The following TRAPPC9 variants were observed in gnomAD, a reference collection of about 807,000 sequenced individuals.
TRAPPC9 encodes the protein IKK2 binding protein.
A neutral mutation model predicts 124.0 loss-of-function variants in TRAPPC9; 83 were observed. The ratio of observed to expected loss-of-function variants is 0.67; its 90% CI spans 0.56 to 0.80. TRAPPC9 has a LOEUF of 0.80. Ranked by LOEUF, TRAPPC9 falls within the 30% of genes least tolerant of loss-of-function variation. TRAPPC9 has a pLI of 0.00. For missense variants in TRAPPC9, 1,302 were observed against 1,508.3 expected, an observed-to-expected ratio of 0.86 and a Z score of 2.27; for synonymous variants, 638 against 617.5, an observed-to-expected ratio of 1.03 and a Z score of -0.49.
intron 21 of TRAPPC9, among the ~76,000 whole-genome samples, chr8:139,869,557 G>T (rs1382680612): frequency 2.0e-5 from 3 of 152,136 alleles, no homozygotes; most frequent in Non-Finnish European, 4.4e-5. Context: ...GGATCTTAAA[G>T]AACTACCCCG....
chr8:140,208,387 T>C (rs1467471305), intron 17 of TRAPPC9, among the ~76,000 whole-genome samples: 1 of 152,172 alleles, frequency 6.6e-6, no homozygotes. Context: ...GTGGTGGTCC[T>C]CAAACTGTGG....
At chr8:139,974,437 T>C (rs1366608497) in intron 19 of TRAPPC9, among the ~76,000 whole-genome samples, 10 of 152,134 alleles carry the variant, frequency 6.6e-5, no homozygotes, top group African/African-American at 2.4e-4. Flanking sequence ...CACCACTGAT[T>C]ACATTAAGTG....
At chr8:140,232,090 AC>A (rs899153818) in intron 16 of TRAPPC9, among the ~76,000 whole-genome samples, 15 of 151,532 alleles carry the variant, frequency 9.9e-5, no homozygotes, top group South Asian at 2.1e-4. Context: ...TTTTAAAAAA[AC>A]ATCTTAAAAT....
intron 15 of TRAPPC9, among the ~76,000 whole-genome samples, chr8:140,253,910 G>T (rs752162217): frequency 6.6e-6 from 1 of 152,124 alleles, no homozygotes; most frequent in African/African-American, 2.4e-5. Context: ...GTAAAATGGG[G>T]ATAACAATTA....
intron 17 of TRAPPC9, among the ~76,000 whole-genome samples, chr8:140,125,822 T>C (rs967740807): frequency 6.6e-6 from 1 of 152,074 alleles, no homozygotes; most frequent in African/African-American, 2.4e-5. Context: ...CAAACCTGCA[T>C]GTTTGAGAGA....
chr8:140,425,283 T>G (rs1207662553), intron 5 of TRAPPC9, among the ~76,000 whole-genome samples: 4 of 152,210 alleles, frequency 2.6e-5, no homozygotes, highest in African/African-American at 9.7e-5. Flanking sequence ...GCTCTCCCAT[T>G]GGTAAAGAGA....
intron 21 of TRAPPC9, among the ~76,000 whole-genome samples, chr8:139,881,878 G>T (rs1829695758): frequency 6.6e-6 from 1 of 152,218 alleles, no homozygotes; most frequent in Admixed American, 6.5e-5. Context: ...CCAGACCGCA[G>T]GGCCTCACCC....
chr8:139,732,134 G>T lies in TRAPPC9; in HGVS notation c.3124C>A (p.Arg1042Ser). 1 of 1,605,218 alleles carries T rather than the reference G, an allele frequency of 6.2e-7. No homozygotes were observed. Among genetic ancestry groups the T allele is most frequent in the Non-Finnish European group, 8.5e-7 (1 of 1,176,986 alleles). The change falls in exon 22 of 23, where the codon CGC (arginine) becomes AGC (serine). Residue 1042 changes from arginine (R) to serine (S), a missense_variant. By Grantham distance (110) the Arg-to-Ser change is moderately radical. Around this residue, in one of 3 missense-constraint regions of TRAPPC9, gnomAD observed 640 missense variants for 679.3 expected, o/e 0.94. Transcript: ENST00000438773. ...CGGTTGGTCAGCCGCACCTCCAGGC[G>T]CACGGGGTCGCCCACCTGGCAGGCC... Reference protein sequence around the residue: ...VAACQVGDPVRLEVRLTNRSP... With the variant: ...VAACQVGDPVSLEVRLTNRSP...
chr8:140,046,045 G>C (rs905530169), intron 17 of TRAPPC9, among the ~76,000 whole-genome samples: 1 of 151,782 alleles, frequency 6.6e-6, no homozygotes, highest in African/African-American at 2.4e-5. Flanking sequence ...ATCTAGATGG[G>C]AGGATGGGAC....
intron 9 of TRAPPC9, among the ~76,000 whole-genome samples, chr8:140,328,722 A>G (rs1030409169): frequency 3.3e-5 from 5 of 150,346 alleles, no homozygotes; most frequent in African/African-American, 4.9e-5. Context: ...TATGGAAATA[A>G]TTTTTTTTTT....
chr8:140,222,683 A>C (rs2063361976), intron 16 of TRAPPC9, among the ~76,000 whole-genome samples: 1 of 152,204 alleles, frequency 6.6e-6, no homozygotes, highest in South Asian at 2.1e-4. Flanking sequence ...GAGATATTTG[A>C]CTGCAGTTTT....
intron 17 of TRAPPC9, among the ~76,000 whole-genome samples, chr8:140,130,042 C>T (rs576324087): frequency 1.2e-4 from 18 of 152,224 alleles, no homozygotes; most frequent in Admixed American, 4.6e-4. Context: ...GAGCATCTCA[C>T]GCCAGAAAGC....
chr8:140,313,776 T>C (rs1290462619), intron 9 of TRAPPC9, among the ~76,000 whole-genome samples: 1 of 152,152 alleles, frequency 6.6e-6, no homozygotes, highest in Non-Finnish European at 1.5e-5. Flanking sequence ...TCTGCGGATA[T>C]GTAATCAATT....
intron 21 of TRAPPC9, among the ~76,000 whole-genome samples, chr8:139,796,564 T>C (rs1264069161): frequency 2.0e-5 from 3 of 152,276 alleles, no homozygotes; most frequent in African/African-American, 7.2e-5. Flanking sequence ...GGTTCATCCA[T>C]GTTATAGCAT....
At chr8:140,396,927 C>A (rs1167409159) in intron 7 of TRAPPC9, among the ~76,000 whole-genome samples, 1 of 151,808 alleles carries the variant, frequency 6.6e-6, no homozygotes, top group African/African-American at 2.4e-5. Flanking sequence ...ACAGGACCCA[C>A]CTGCCTCAGC....
chr8:139,831,751 C>T (rs886249472), intron 21 of TRAPPC9, among the ~76,000 whole-genome samples: 2 of 152,168 alleles, frequency 1.3e-5, no homozygotes, highest in Non-Finnish European at 2.9e-5. Flanking sequence ...AGCAACTTGC[C>T]GCAGTGAAAG....
intron 18 of TRAPPC9, among the ~76,000 whole-genome samples, chr8:139,997,038 C>A (rs1001242642): frequency 6.6e-6 from 1 of 152,066 alleles, no homozygotes; most frequent in Non-Finnish European, 1.5e-5. Flanking sequence ...TGAGCCATCA[C>A]GCCTGACCCA....
intron 17 of TRAPPC9, among the ~76,000 whole-genome samples, chr8:140,089,725 A>C (rs921532031): frequency 6.6e-6 from 1 of 152,072 alleles, no homozygotes; most frequent in Non-Finnish European, 1.5e-5. Flanking sequence ...GGCACACAGG[A>C]GAGGTCCCGC....
rs1197128988 is a variant in TRAPPC9 at position 140,051,576 on chromosome 8, CTTTTT to C, written c.2557-27502_2557-27498del. Among the ~76,000 whole-genome samples the C allele has an allele frequency of 5.7e-5, 5 of 88,024 alleles. No individual in the cohort carries two copies. In the South Asian group the frequency reaches 1.3e-3, roughly 22 times the overall value. 57.7% of individuals were successfully genotyped at this position (88,024 alleles called of 152,430 possible). A position where few individuals can be genotyped will look rare whatever the true frequency, so the allele number is the denominator to read the frequency against. Reference sequence around the variant, plus strand: ...CCCACACAGGAAAACATTGTTCATTCTTTTTTTTTTTTTTTTTTTTTTTGCCTTTG... The same window carrying C: ...CCCACACAGGAAAACATTGTTCATTCTTTTTTTTTTTTTTTTTTGCCTTTG... On this transcript the variant is annotated intron_variant, in intron 17 of 22. Transcript: ENST00000438773.
Sources: gnomAD v4.1 joint callset for allele counts (sites outside exome capture counted in the v4.1 genomes callset) on GRCh38, gnomAD v4.1.1 for gene constraint, gnomAD v4.1.1 regional missense constraint, MANE v1.5 for transcripts, NCBI Gene and HGNC (gene_info 2026-07-23, HGNC 2026-07-21) for gene names.